Variants in ELMO1 observed in about 807,000 individuals in gnomAD.
ELMO1 encodes the protein engulfment and cell motility 1.
A neutral mutation model predicts 98.9 loss-of-function variants in ELMO1; 26 were observed. The ratio of observed to expected loss-of-function variants is 0.26; its 90% CI spans 0.19 to 0.36. The LOEUF is 0.36. Ranked by LOEUF, ELMO1 falls within the 10% of genes least tolerant of loss-of-function variation. The pLI is 1.00. For synonymous variants in ELMO1, 346 were observed against 346.0 expected (o/e 1.00, Z 0.00); for missense variants, 627 against 935.2 (o/e 0.67, Z 4.30).
chr7:37,166,334 T>C (rs1789689224), intron 13 of ELMO1, among the ~76,000 whole-genome samples: 1 of 152,204 alleles, frequency 6.6e-6, no homozygotes, highest in Non-Finnish European at 1.5e-5. Context: ...TGTCTCTATT[T>C]CCTTCAGTTC....
chr7:37,205,726 A>G lies in ELMO1; in HGVS notation c.1086+5660T>C, dbSNP rs1190863689. Among the ~76,000 whole-genome samples the G allele has an allele frequency of 2.0e-5, 3 of 152,236 alleles. No individual in the cohort carries two copies. The East Asian group carries it at 5.8e-4, about 29-fold the overall frequency. ...TGTTCGACTTCAGCTGGAACATCTG[A>G]GTTGGGCAACTCAGATTTTTTGCCA... On this transcript the variant is annotated intron_variant, in intron 13 of 21. Transcript: ENST00000310758.
rs550152977 is a variant in ELMO1, at chr7:37,358,085, CCCT to C, written c.-73-15325_-73-15323del. Among the ~76,000 whole-genome samples, 204 of 152,196 alleles carry C rather than the reference CCCT, an allele frequency of 1.3e-3. 1 individual carries two copies. The highest frequency in any genetic ancestry group is 4.7e-3 in the African/African-American group (195 of 41,512). On this transcript the variant is annotated intron_variant, in intron 1 of 21. Transcript: ENST00000310758. ...AATTGTTTTTTTAATGCTCATTTTCCCCTCAAGTTAGCATGGGCAGAGAGCTTC... is the reference window on the plus strand; with the variant it reads ...AATTGTTTTTTTAATGCTCATTTTCCCAAGTTAGCATGGGCAGAGAGCTTC...
intron 15 of ELMO1, among the ~76,000 whole-genome samples, chr7:37,088,467 T>G (rs1041970021): frequency 6.6e-6 from 1 of 152,220 alleles, no homozygotes; most frequent in Non-Finnish European, 1.5e-5. Context: ...AGTTAATTTA[T>G]TTCTTCCACA....
At chr7:37,417,744 A>G (rs1469810310) in intron 1 of ELMO1, among the ~76,000 whole-genome samples, 1 of 152,112 alleles carries the variant, frequency 6.6e-6, no homozygotes, top group African/African-American at 2.4e-5. Context: ...CGGGAGGCTG[A>G]GGCAGGAGAA....
chr7:37,289,456 C>T (rs1797564994), intron 4 of ELMO1, among the ~76,000 whole-genome samples: 1 of 152,224 alleles, frequency 6.6e-6, no homozygotes, highest in African/African-American at 2.4e-5. Context: ...AACCATCTGT[C>T]ATCAGCTGTT....
chr7:36,935,895 A>C (rs1464862801), intron 16 of ELMO1, among the ~76,000 whole-genome samples: 2 of 152,168 alleles, frequency 1.3e-5, no homozygotes, highest in African/African-American at 4.8e-5. Context: ...TTTTGGAAAG[A>C]AGTGAGCGAC....
intron 9 of ELMO1, 129 bp downstream of exon 9, chr7:37,224,750 A>C: frequency 7.4e-7 from 1 of 1,349,380 alleles, no homozygotes; most frequent in Non-Finnish European, 1.0e-6. Context: ...TGGTTTGGTT[A>C]TATGCCAAAT....
At chr7:37,345,428 G>A (rs1386454957) in intron 1 of ELMO1, among the ~76,000 whole-genome samples, 1 of 151,878 alleles carries the variant, frequency 6.6e-6, no homozygotes, top group Non-Finnish European at 1.5e-5. Flanking sequence ...AAAGACATCT[G>A]AGGCCAGGTG....
chr7:37,375,169 G>A (rs977426751), intron 1 of ELMO1, among the ~76,000 whole-genome samples: 1 of 152,154 alleles, frequency 6.6e-6, no homozygotes, highest in African/African-American at 2.4e-5. Context: ...AAGCAACACA[G>A]TGTTCAAGAG....
At chr7:37,449,259 A>ACC (rs1385242781), upstream of ELMO1, 3 of 152,104 alleles carry the variant, frequency 2.0e-5, no homozygotes, top group Admixed American at 6.6e-5. Flanking sequence ...TAACTCCGTC[A>ACC]CCCTCATAGC....
rs372182988 is a variant in ELMO1 at position 36,894,977 on chromosome 7, G to A, written c.1478C>T (p.Thr493Ile). Residue 493 changes from threonine to isoleucine, a missense_variant, in exon 17 of 22, where the codon ACA becomes ATA. This residue lies in a region of ELMO1 where 492 missense variants were observed against 715.6 expected (regional missense o/e 0.69). Transcript: ENST00000310758. Reference sequence around the variant, plus strand: ...CTGGTCCAGGGAGCTAGGCTTGGTTGTAAGTGCTCTCATAACCTGCTCCTT... The same window carrying A: ...CTGGTCCAGGGAGCTAGGCTTGGTTATAAGTGCTCTCATAACCTGCTCCTT... ...VVKEQVMRAL[T>I]TKPSSLDQFK... The A allele has an allele frequency of 6.2e-7, 1 of 1,614,018 alleles. No individual in the cohort carries two copies. The highest frequency in any genetic ancestry group is 8.5e-7 in the Non-Finnish European group (1 of 1,180,002).
chr7:37,325,907 G>T (rs1455132069), intron 2 of ELMO1, among the ~76,000 whole-genome samples: 2 of 152,126 alleles, frequency 1.3e-5, no homozygotes, highest in East Asian at 3.9e-4. Context: ...GGCGCCTCGT[G>T]ACATTGTGTC....
intron 14 of ELMO1, among the ~76,000 whole-genome samples, chr7:37,113,178 G>T (rs1188473759): frequency 1.3e-5 from 2 of 152,212 alleles, no homozygotes; most frequent in African/African-American, 4.8e-5. Context: ...CATCCATGGG[G>T]TGAATCCTGC....
At chr7:37,021,121 G>A (rs139532025) in intron 15 of ELMO1, among the ~76,000 whole-genome samples, 55 of 152,238 alleles carry the variant, frequency 3.6e-4, no homozygotes, top group African/African-American at 1.0e-3. Flanking sequence ...GTGGTACTGC[G>A]TGGGGAGATG....
intron 16 of ELMO1, among the ~76,000 whole-genome samples, chr7:36,913,797 T>G (rs1232020821): frequency 6.6e-6 from 1 of 152,202 alleles, no homozygotes; most frequent in Non-Finnish European, 1.5e-5. Context: ...TACTGACTTG[T>G]GCTGATAACA....
chr7:37,055,459 A>C (rs1000010874), intron 15 of ELMO1, among the ~76,000 whole-genome samples: 1 of 152,150 alleles, frequency 6.6e-6, no homozygotes, highest in South Asian at 2.1e-4. Flanking sequence ...ATGTGTGTAA[A>C]TCTAGAATCA....
At chr7:37,057,835 T>A (rs1417668317) in intron 15 of ELMO1, among the ~76,000 whole-genome samples, 3 of 152,240 alleles carry the variant, frequency 2.0e-5, no homozygotes, top group Non-Finnish European at 2.9e-5. Context: ...ATGATCTCTA[T>A]TTTCAGACCA....
chr7:37,286,213 AG>A (rs1797385638), intron 4 of ELMO1, among the ~76,000 whole-genome samples: 1 of 152,198 alleles, frequency 6.6e-6, no homozygotes, highest in South Asian at 2.1e-4. Context: ...CTCACAGCCA[AG>A]GAACAATGCG....
rs566154765 is a variant in ELMO1 at position 37,211,598 on chromosome 7, C to G, written c.955-81G>C. The G allele has an allele frequency of 3.9e-6, 6 of 1,530,436 alleles. No homozygotes were observed. In the African/African-American group the frequency reaches 5.5e-5, roughly 14 times the overall value. The allele number at this position is 1,530,436 out of a possible 1,614,324, so 94.8% of individuals were successfully genotyped here. On this transcript the variant is annotated intron_variant, in intron 12 of 21. Transcript: ENST00000310758. Reference sequence around the variant, plus strand: ...GTGACATTACATATACTCCCTCTTTCCCTGGGGTCTAAATGAATCACTGCA... The same window carrying G: ...GTGACATTACATATACTCCCTCTTTGCCTGGGGTCTAAATGAATCACTGCA...
Sources: gnomAD v4.1 joint callset for allele counts (sites outside exome capture counted in the v4.1 genomes callset) on GRCh38, gnomAD v4.1.1 for gene constraint, gnomAD v4.1.1 regional missense constraint, MANE v1.5 for transcripts, NCBI Gene and HGNC (gene_info 2026-07-23, HGNC 2026-07-21) for gene names.